The following PDE1C variants were observed in gnomAD, a reference collection of about 807,000 sequenced individuals.
The protein encoded by PDE1C is phosphodiesterase 1C.
PDE1C carries 62 observed loss-of-function variants against 93.1 expected under a neutral mutation model. The ratio of observed to expected loss-of-function variants is 0.67; its 90% CI spans 0.54 to 0.82. The LOEUF is 0.82. Ranked by LOEUF, PDE1C falls within the 40% of genes least tolerant of loss-of-function variation. The pLI, the probability that PDE1C is intolerant of heterozygous loss-of-function variation, is 0.00. For missense variants in PDE1C, 742 were observed against 884.6 expected, an observed-to-expected ratio of 0.84 and a Z score of 2.04; for synonymous variants, 325 against 310.1, an observed-to-expected ratio of 1.05 and a Z score of -0.50.
At chr7:32,054,412 AT>A (rs1483183096) in intron 1 of PDE1C, among the ~76,000 whole-genome samples, 1 of 152,140 alleles carries the variant, frequency 6.6e-6, no homozygotes, top group Non-Finnish European at 1.5e-5. Context: ...AGTGTATTAA[AT>A]TTGTCATGTA....
intron 1 of PDE1C, among the ~76,000 whole-genome samples, chr7:32,346,338 G>A (rs1783852466): frequency 6.6e-6 from 1 of 152,202 alleles, no homozygotes; most frequent in African/African-American, 2.4e-5. Flanking sequence ...ATCACCCTGG[G>A]GGGTCTCCTG....
intron 3 of PDE1C, among the ~76,000 whole-genome samples, chr7:32,099,592 C>A: frequency 6.6e-6 from 1 of 152,188 alleles, no homozygotes; most frequent in East Asian, 1.9e-4. Flanking sequence ...AAAAACCCAA[C>A]AAACCTACCT....
intron 3 of PDE1C, among the ~76,000 whole-genome samples, chr7:32,103,478 A>G (rs1310589373): frequency 6.6e-6 from 1 of 152,166 alleles, no homozygotes; most frequent in Non-Finnish European, 1.5e-5. Context: ...ATGCCCAGGT[A>G]GCAGACTAAA....
At position 31,908,336 on chromosome 7, in the gene PDE1C, AT is replaced by A. The variant is rs1229449060; in HGVS notation, c.129-27477del. On this transcript the variant is annotated intron_variant, in intron 2 of 17. Transcript: ENST00000396191. The stretch of plus-strand genomic sequence containing the variant: ...TCTTTTATTGCATCATTTAATCTCA[AT>A]GCCAAGTTTTGAAGGTGGTGCCAAA... 3.9e-5 allele frequency among the ~76,000 whole-genome samples: 6 copies of A among 152,248 alleles called. No individual in the cohort carries two copies. In the South Asian group the frequency reaches 8.3e-4, roughly 21 times the overall value.
intron 11 of PDE1C, among the ~76,000 whole-genome samples, chr7:31,829,590 A>G (rs1790120796): frequency 6.6e-6 from 1 of 152,178 alleles, no homozygotes. Flanking sequence ...GAAAGGACGG[A>G]AAAGGGGTGT....
At chr7:32,422,316 G>GT (rs1191185513) in intron 1 of PDE1C, among the ~76,000 whole-genome samples, 1 of 152,084 alleles carries the variant, frequency 6.6e-6, no homozygotes, top group Non-Finnish European at 1.5e-5. Context: ...GTTAATCTTT[G>GT]TTTTTCATTT....
the PDE1C span, among the ~76,000 whole-genome samples, chr7:31,687,604 G>A: frequency 1.3e-5 from 2 of 152,144 alleles, no homozygotes; most frequent in East Asian, 3.9e-4. Flanking sequence ...TCCAAGGCTG[G>A]GGAAAGTACA....
chr7:31,913,180 G>A (rs1801463412), intron 2 of PDE1C, among the ~76,000 whole-genome samples: 1 of 152,068 alleles, frequency 6.6e-6, no homozygotes, highest in Non-Finnish European at 1.5e-5. Context: ...AAGAAAGGAT[G>A]CTAGCCTTTA....
intron 1 of PDE1C, among the ~76,000 whole-genome samples, chr7:32,270,536 A>C (rs1486904169): frequency 6.6e-6 from 1 of 152,186 alleles, no homozygotes; most frequent in East Asian, 1.9e-4. Flanking sequence ...GTTGGTTTCC[A>C]GTGGCTTGCT....
chr7:32,252,491 A>G (rs1809465168), intron 1 of PDE1C, among the ~76,000 whole-genome samples: 1 of 152,240 alleles, frequency 6.6e-6, no homozygotes, highest in South Asian at 2.1e-4. Flanking sequence ...TTGAGAAACT[A>G]ACTGTGAGCT....
At chr7:32,123,280 G>C (rs1254624500) in intron 3 of PDE1C, among the ~76,000 whole-genome samples, 1 of 152,004 alleles carries the variant, frequency 6.6e-6, no homozygotes, top group South Asian at 2.1e-4. Flanking sequence ...TTCTAGCAGA[G>C]GTACAAAAAG....
At chr7:32,193,072 A>G (rs1291489700) in intron 2 of PDE1C, among the ~76,000 whole-genome samples, 2 of 152,142 alleles carry the variant, frequency 1.3e-5, no homozygotes, top group Non-Finnish European at 2.9e-5. Context: ...GGGATTTTCT[A>G]TGTAGATAAC....
At chr7:32,004,772 T>C in intron 2 of PDE1C, among the ~76,000 whole-genome samples, 1 of 152,346 alleles carries the variant, frequency 6.6e-6, no homozygotes, top group East Asian at 1.9e-4. Context: ...TTTCTTATAA[T>C]AATTTAAGAT....
chr7:32,393,284 A>G (rs1490284600), intron 1 of PDE1C, among the ~76,000 whole-genome samples: 2 of 152,138 alleles, frequency 1.3e-5, no homozygotes, highest in Non-Finnish European at 2.9e-5. Context: ...AACAAATAAA[A>G]GCATTCCAGA....
rs188324852 is a variant in PDE1C at position 31,857,154 on chromosome 7, A to C, written c.751-6413T>G. On this transcript the variant is annotated intron_variant, in intron 7 of 17. Transcript: ENST00000396191. ...GGACTAGGATGTCAATATATGAATC[A>C]ATGAGAAATACAATTTAGCCCATAT... Among the ~76,000 whole-genome samples, 579 of 152,342 alleles carry C rather than the reference A, an allele frequency of 3.8e-3. 4 individuals are homozygous for C. Among genetic ancestry groups the C allele is most frequent in the African/African-American group, 0.013 (553 of 41,592 alleles).
intron 2 of PDE1C, among the ~76,000 whole-genome samples, chr7:32,180,584 C>G (rs1485515591): frequency 6.6e-6 from 1 of 152,136 alleles, no homozygotes; most frequent in Non-Finnish European, 1.5e-5. Flanking sequence ...GAAATCAGGC[C>G]CTCACCAGAC....
rs4278076 is a variant in PDE1C at position 32,122,930 on chromosome 7, G to A, written c.308+46855C>T. On this transcript the variant is annotated intron_variant, in intron 3 of 18. Transcript: ENST00000396193. ...AAAAAATCCATGAATCCAGGAGCTG[G>A]TTTTTAAGAAATTAACAAAATAGAT... 1.7e-3 allele frequency among the ~76,000 whole-genome samples: 259 copies of A among 152,072 alleles called. 1 individual carries two copies. Among genetic ancestry groups the A allele is most frequent in the African/African-American group, 5.5e-3 (229 of 41,504 alleles).
At chr7:31,662,088 G>A in the PDE1C span, among the ~76,000 whole-genome samples, 2 of 152,008 alleles carry the variant, frequency 1.3e-5, no homozygotes, top group African/African-American at 2.4e-5. Flanking sequence ...TTTTACTTTT[G>A]TAGGGTGCCA....
chr7:32,128,954 A>ATATATATATAT lies in PDE1C; in HGVS notation c.308+40830_308+40831insATATATATATA, dbSNP rs58719690. Among the ~76,000 whole-genome samples the ATATATATATAT allele has an allele frequency of 3.0e-4, 24 of 79,014 alleles. 1 individual carries two copies. The highest frequency in any genetic ancestry group is 1.5e-3 in the African/African-American group (24 of 15,524). 51.8% of individuals were successfully genotyped at this position (79,014 alleles called of 152,430 possible). A position where few individuals can be genotyped will look rare whatever the true frequency, so the allele number is the denominator to read the frequency against. ...ATATATATATATATATATATATATAAAGAAAAATCTAAAAAAAACAGAAAA... is the reference window on the plus strand; with the variant it reads ...ATATATATATATATATATATATATAATATATATATATAGAAAAATCTAAAAAAAACAGAAAA... On this transcript the variant is annotated intron_variant, in intron 3 of 18. Coordinates refer to the PDE1C transcript ENST00000396193.
Sources: gnomAD v4.1 joint callset for allele counts (sites outside exome capture counted in the v4.1 genomes callset) on GRCh38, gnomAD v4.1.1 for gene constraint, MANE v1.5 for transcripts, NCBI Gene and HGNC (gene_info 2026-07-23, HGNC 2026-07-21) for gene names.